FAM220A: variants seen among roughly 807,000 people sequenced by gnomAD.
FAM220A encodes protein FAM220A.
For synonymous variants in FAM220A, 141 were observed against 130.7 expected (o/e 1.08, Z -0.54); for missense variants, 392 against 321.6 (o/e 1.22, Z -1.68).
intron 1 of FAM220A, among the ~76,000 whole-genome samples, chr7:6,345,453 C>T (rs557679217): frequency 1.3e-5 from 2 of 152,008 alleles, no homozygotes; most frequent in Non-Finnish European, 2.9e-5. Flanking sequence ...CCTCTGATTG[C>T]TTGGTGGAGA....
chr7:6,330,306 C>T lies in FAM220A; in HGVS notation c.*69G>A. 1 of 1,451,528 alleles carries T rather than the reference C, an allele frequency of 6.9e-7. No individual in the cohort carries two copies. Among genetic ancestry groups the T allele is most frequent in the Admixed American group, 2.0e-5 (1 of 49,036 alleles). The allele number at this position is 1,451,528 out of a possible 1,614,324, so 89.9% of individuals were successfully genotyped here. A position where few individuals can be genotyped will look rare whatever the true frequency, so the allele number is the denominator to read the frequency against. ...AAGGGCTGCACAGTTTGCATCCAGA[C>T]TTAATGCGAAAGAAATCATTCTAAG... On this transcript the variant is annotated 3_prime_UTR_variant, in exon 2 of 2. Coordinates refer to ENST00000313324, the MANE Select transcript of FAM220A (RefSeq NM_001037163.2).
intron 1 of FAM220A, among the ~76,000 whole-genome samples, chr7:6,338,264 T>A (rs1781784265): frequency 6.6e-6 from 1 of 152,210 alleles, no homozygotes. Flanking sequence ...AGTTTTTTCA[T>A]AGTTTTTTCT....
At chr7:6,344,250 A>G (rs1243498980) in intron 1 of FAM220A, among the ~76,000 whole-genome samples, 1 of 152,136 alleles carries the variant, frequency 6.6e-6, no homozygotes, top group Non-Finnish European at 1.5e-5. Flanking sequence ...AAACCTTCAA[A>G]TCAGGTAAGT....
chr7:6,331,358 T>G lies in FAM220A; in HGVS notation c.-81-123A>C, dbSNP rs559623485. On this transcript the variant is annotated intron_variant, in intron 1 of 1. Coordinates refer to ENST00000313324, the MANE Select transcript of FAM220A (RefSeq NM_001037163.2). Reference sequence around the variant, plus strand: ...TTATGACAGTCTCCAGTACAGGGTTTCACCATATTGGTAAGGCTGGTTTTG... The same window carrying G: ...TTATGACAGTCTCCAGTACAGGGTTGCACCATATTGGTAAGGCTGGTTTTG... 25 of 618,550 alleles carry G rather than the reference T, an allele frequency of 4.0e-5. No homozygotes were observed. In the African/African-American group the frequency reaches 4.2e-4, roughly 10 times the overall value. The allele number at this position is 618,550 out of a possible 1,614,324, so 38.3% of individuals were successfully genotyped here.
chr7:6,343,391 TA>T (rs1455941495), intron 1 of FAM220A, among the ~76,000 whole-genome samples: 3 of 108,134 alleles, frequency 2.8e-5, no homozygotes, highest in African/African-American at 1.1e-4. Context: ...AAAATAATAA[TA>T]ATTTCATATA....
chr7:6,331,142 T>C lies in FAM220A; in HGVS notation c.13A>G (p.Arg5Gly). The C allele has an allele frequency of 6.2e-7, 1 of 1,612,354 alleles. No homozygotes were observed. The highest frequency in any genetic ancestry group is 1.1e-5 in the South Asian group (1 of 91,036). The change falls in exon 2 of 2, where the codon AGA becomes GGA. Residue 5 changes from arginine (R) to glycine (G), a missense_variant. Transcript: ENST00000313324. MRDR[R>G]GPLGTCLAQV... ...GCCAGGCAGGTGCCGAGGGGCCCTCTTCTGTCCCTCATGCTTCGTGTTCTT... is the reference window on the plus strand; with the variant it reads ...GCCAGGCAGGTGCCGAGGGGCCCTCCTCTGTCCCTCATGCTTCGTGTTCTT...
At chr7:6,337,042 T>C (rs1781761986) in intron 1 of FAM220A, among the ~76,000 whole-genome samples, 1 of 152,124 alleles carries the variant, frequency 6.6e-6, no homozygotes, top group Admixed American at 6.6e-5. Context: ...CTAAATATAT[T>C]TCAATATATG....
At position 6,334,890 on chromosome 7, in the gene FAM220A, T is replaced by G. The variant is rs184991339; in HGVS notation, c.-81-3655A>C. Among the ~76,000 whole-genome samples the G allele has an allele frequency of 4.5e-3, 688 of 152,094 alleles. 8 individuals carry two copies. The highest frequency in any genetic ancestry group is 7.8e-3 in the Admixed American group (119 of 15,254). The stretch of plus-strand genomic sequence containing the variant: ...TTCAAGTGATTCTCCTGCCTCAGCC[T>G]CCTGAGTAGCTGGGATTATAGGCAT... On this transcript the variant is annotated intron_variant, in intron 1 of 1. Transcript: ENST00000313324.
chr7:6,339,431 C>T (rs1338792062), intron 1 of FAM220A, among the ~76,000 whole-genome samples: 1 of 152,022 alleles, frequency 6.6e-6, no homozygotes, highest in African/African-American at 2.4e-5. Flanking sequence ...AGCAAGACCC[C>T]ATCTCCATAA....
chr7:6,337,323 T>C (rs1781766834), intron 1 of FAM220A, among the ~76,000 whole-genome samples: 1 of 151,982 alleles, frequency 6.6e-6, no homozygotes, highest in Non-Finnish European at 1.5e-5. Context: ...GGTTTTACCA[T>C]GATGGCCAGG....
chr7:6,344,186 C>T (rs546424883), intron 1 of FAM220A, among the ~76,000 whole-genome samples: 12 of 151,284 alleles, frequency 7.9e-5, no homozygotes, highest in Admixed American at 4.6e-4. Flanking sequence ...CCCCCTTATT[C>T]CTTCAGATTC....
intron 1 of FAM220A, among the ~76,000 whole-genome samples, chr7:6,341,718 C>T (rs1481745862): frequency 6.6e-6 from 1 of 151,492 alleles, no homozygotes; most frequent in Non-Finnish European, 1.5e-5. Flanking sequence ...TGAGTGCGCG[C>T]CAGGTGCAGT....
chr7:6,340,029 C>A (rs189043193), intron 1 of FAM220A, among the ~76,000 whole-genome samples: 3 of 152,242 alleles, frequency 2.0e-5, no homozygotes, highest in East Asian at 3.9e-4. Flanking sequence ...GGATTACAGG[C>A]ATGCACCACC....
At chr7:6,336,002 G>A (rs1034946382) in intron 1 of FAM220A, among the ~76,000 whole-genome samples, 4 of 151,942 alleles carry the variant, frequency 2.6e-5, no homozygotes, top group East Asian at 1.9e-4. Flanking sequence ...GTGAAACCCC[G>A]TCTCTACTAA....
chr7:6,344,750 AT>A (rs913165574), intron 1 of FAM220A, among the ~76,000 whole-genome samples: 7 of 150,880 alleles, frequency 4.6e-5, no homozygotes, highest in African/African-American at 1.7e-4. Context: ...TTTTATTATT[AT>A]TTTTTTGGAG....
Position 6,332,561 on chromosome 7 carries a change from T to C in FAM220A, c.-81-1326A>G, listed in dbSNP as rs538372661. On this transcript the variant is annotated intron_variant, in intron 1 of 1. Transcript: ENST00000313324. Reference sequence around the variant, plus strand: ...AGCCAGGCGTGGTGGCTCATGCTTATAAACTCAGCAGCTATAGTCCCAGAT... The same window carrying C: ...AGCCAGGCGTGGTGGCTCATGCTTACAAACTCAGCAGCTATAGTCCCAGAT... Among the ~76,000 whole-genome samples, 8 of 152,224 alleles carry C rather than the reference T, an allele frequency of 5.3e-5. No individual in the cohort carries two copies. In the South Asian group the frequency reaches 6.2e-4, roughly 12 times the overall value.
chr7:6,333,301 T>A (rs555855389), intron 1 of FAM220A, among the ~76,000 whole-genome samples: 1 of 152,032 alleles, frequency 6.6e-6, no homozygotes, highest in Non-Finnish European at 1.5e-5. Flanking sequence ...GAGCCGGTGA[T>A]TGGAGCCAGC....
chr7:6,337,685 G>A (rs1460878308), intron 1 of FAM220A, among the ~76,000 whole-genome samples: 1 of 151,362 alleles, frequency 6.6e-6, no homozygotes, highest in Non-Finnish European at 1.5e-5. Context: ...ATTTAATAAG[G>A]TAAACATGTA....
intron 1 of FAM220A, among the ~76,000 whole-genome samples, chr7:6,341,645 G>A (rs966768720): frequency 4.1e-5 from 6 of 147,858 alleles, no homozygotes; most frequent in Non-Finnish European, 7.5e-5. Flanking sequence ...AGCTGAGATC[G>A]CGCCACCGCA....
Sources: gnomAD v4.1 joint callset for allele counts (sites outside exome capture counted in the v4.1 genomes callset) on GRCh38, gnomAD v4.1.1 for gene constraint, MANE v1.5 for transcripts, NCBI Gene and HGNC (gene_info 2026-07-23, HGNC 2026-07-21) for gene names.